The following LINGO2 variants were observed in gnomAD, a reference collection of about 807,000 sequenced individuals.
The protein encoded by LINGO2 is leucine rich repeat and Ig domain containing 2.
A neutral mutation model predicts 30.6 loss-of-function variants in LINGO2; 14 were observed. That is an observed-to-expected ratio of 0.46 (90% CI 0.30 to 0.72). The LOEUF (loss-of-function observed/expected upper bound fraction) is 0.72. Ranked by LOEUF, LINGO2 falls within the 30% of genes least tolerant of loss-of-function variation. The pLI, the probability that LINGO2 is intolerant of heterozygous loss-of-function variation, is 0.07. For synonymous variants in LINGO2, 317 were observed against 288.5 expected (o/e 1.10, Z -1.00); for missense variants, 729 against 751.7 (o/e 0.97, Z 0.35).
chr9:27,975,336 A>C (rs1187593120), intron 5 of LINGO2, among the ~76,000 whole-genome samples: 2 of 152,064 alleles, frequency 1.3e-5, no homozygotes, highest in African/African-American at 4.8e-5. Flanking sequence ...TTTAGGATTG[A>C]AAACCTACTT....
At position 28,575,891 on chromosome 9, in the gene LINGO2, A is replaced by G. The variant is rs188200918; in HGVS notation, c.-365+94309T>C. Among the ~76,000 whole-genome samples the G allele has an allele frequency of 2.6e-5, 4 of 151,630 alleles. No homozygotes were observed. The East Asian group carries it at 7.8e-4, about 30-fold the overall frequency. ...AAATTAATGACTAAAACACACTAAA[A>G]TGAAAGAGTATATAATTATCCTCTT... On this transcript the variant is annotated intron_variant, in intron 1 of 5. Coordinates refer to ENST00000379992, the Ensembl canonical transcript of LINGO2.
At chr9:28,641,648 C>T (rs980379339) in intron 1 of LINGO2, among the ~76,000 whole-genome samples, 1 of 152,144 alleles carries the variant, frequency 6.6e-6, no homozygotes, top group African/African-American at 2.4e-5. Context: ...TCAGCAATAT[C>T]ATGGAGATTT....
chr9:28,005,712 T>C (rs1390522111), intron 5 of LINGO2, among the ~76,000 whole-genome samples: 1 of 152,082 alleles, frequency 6.6e-6, no homozygotes, highest in Non-Finnish European at 1.5e-5. Context: ...AAAATGGCAA[T>C]GAATTTATTT....
chr9:28,373,772 C>T (rs1339345043), intron 2 of LINGO2, among the ~76,000 whole-genome samples: 6 of 151,682 alleles, frequency 4.0e-5, no homozygotes, highest in African/African-American at 1.5e-4. Flanking sequence ...TGGTGGCGTG[C>T]GCCTGTAGTC....
intron 5 of LINGO2, among the ~76,000 whole-genome samples, chr9:28,001,797 T>C (rs1477281134): frequency 6.6e-6 from 1 of 152,110 alleles, no homozygotes; most frequent in Non-Finnish European, 1.5e-5. Context: ...GCTTACAATC[T>C]AGTCAGGAAA....
intron 5 of LINGO2, among the ~76,000 whole-genome samples, chr9:27,976,300 G>C (rs1820591680): frequency 7.9e-6 from 1 of 126,574 alleles, no homozygotes; most frequent in African/African-American, 3.0e-5. Flanking sequence ...CCTTAGATTA[G>C]GGTTCTCAAA....
At chr9:28,669,142 G>A (rs1018715903) in intron 1 of LINGO2, among the ~76,000 whole-genome samples, 1 of 151,882 alleles carries the variant, frequency 6.6e-6, no homozygotes, top group Non-Finnish European at 1.5e-5. Context: ...TGAACCCCAA[G>A]ATCCCATCCT....
chr9:28,565,788 T>A (rs1823349280), intron 1 of LINGO2, among the ~76,000 whole-genome samples: 1 of 151,780 alleles, frequency 6.6e-6, no homozygotes, highest in Non-Finnish European at 1.5e-5. Flanking sequence ...TCTCCTGACC[T>A]CGTGATCCAC....
chr9:28,226,671 G>C lies in LINGO2; in HGVS notation c.-87+68537C>G, dbSNP rs1029705854. Among the ~76,000 whole-genome samples the C allele has an allele frequency of 2.4e-4, 23 of 94,474 alleles. 1 individual carries two copies. Among genetic ancestry groups the C allele is most frequent in the African/African-American group, 1.3e-3 (22 of 16,766 alleles). The allele number at this position is 94,474 out of a possible 152,430, so 62.0% of individuals were successfully genotyped here. On this transcript the variant is annotated intron_variant, in intron 4 of 5. Coordinates refer to ENST00000379992, the Ensembl canonical transcript of LINGO2. ...AGAAAGAAAGAAAGAAAGAAAGAAA[G>C]AAAGAAAGAAAGAAAGAAAGAAAGA...
intron 4 of LINGO2, among the ~76,000 whole-genome samples, chr9:28,241,523 G>C (rs1821800477): frequency 6.6e-6 from 1 of 152,104 alleles, no homozygotes; most frequent in South Asian, 2.1e-4. Context: ...ACAGGGGGCA[G>C]GGGAGCCACC....
chr9:28,304,774 T>G (rs1824280590), intron 3 of LINGO2, among the ~76,000 whole-genome samples: 1 of 152,026 alleles, frequency 6.6e-6, no homozygotes, highest in Non-Finnish European at 1.5e-5. Flanking sequence ...ATAGAAAACC[T>G]ACTGGCACCC....
At chr9:28,796,987 AAATT>A in the LINGO2 span, among the ~76,000 whole-genome samples, 1 of 151,788 alleles carries the variant, frequency 6.6e-6, no homozygotes, top group East Asian at 1.9e-4. Flanking sequence ...CTTTATGTAT[AAATT>A]AATTTGCTTC....
chr9:28,982,977 GT>G, the LINGO2 span, among the ~76,000 whole-genome samples: 2 of 151,190 alleles, frequency 1.3e-5, no homozygotes, highest in Non-Finnish European at 3.0e-5. Context: ...TCATTTGGTT[GT>G]TTTTTTAATG....
chr9:28,306,720 G>C (rs12379411), intron 3 of LINGO2, among the ~76,000 whole-genome samples: 14,761 of 152,004 alleles, frequency 0.097, 916 homozygotes, highest in Middle Eastern at 0.26. Flanking sequence ...GAATCAAATA[G>C]ACGCAATAAA....
chr9:28,064,947 T>C (rs1825267694), intron 4 of LINGO2, among the ~76,000 whole-genome samples: 1 of 151,382 alleles, frequency 6.6e-6, no homozygotes, highest in Non-Finnish European at 1.5e-5. Flanking sequence ...TGTTAAATAG[T>C]GACTTGGTAA....
At chr9:28,746,245 T>C in the LINGO2 span, among the ~76,000 whole-genome samples, 1 of 152,180 alleles carries the variant, frequency 6.6e-6, no homozygotes, top group African/African-American at 2.4e-5. Flanking sequence ...TTCTTTTGAT[T>C]CATAACTCCC....
intron 2 of LINGO2, among the ~76,000 whole-genome samples, chr9:28,440,727 A>G (rs1288996565): frequency 6.6e-6 from 1 of 152,242 alleles, no homozygotes; most frequent in East Asian, 1.9e-4. Context: ...GATTAAAAAT[A>G]AACAGAGATC....
At chr9:28,575,685 TGAA>T (rs1823939907) in intron 1 of LINGO2, among the ~76,000 whole-genome samples, 1 of 151,934 alleles carries the variant, frequency 6.6e-6, no homozygotes, top group Non-Finnish European at 1.5e-5. Context: ...ACAATACACC[TGAA>T]ACTAAAATAA....
intron 4 of LINGO2, among the ~76,000 whole-genome samples, chr9:28,063,608 C>T (rs1459919305): frequency 6.6e-6 from 1 of 152,058 alleles, no homozygotes; most frequent in African/African-American, 2.4e-5. Context: ...AATCATATAA[C>T]TCATACATGG....
Sources: allele counts gnomAD v4.1 joint callset (sites outside exome capture counted in the v4.1 genomes callset), GRCh38; gene constraint gnomAD v4.1.1; transcripts MANE v1.5; gene names NCBI Gene and HGNC (gene_info 2026-07-23, HGNC 2026-07-21).